The following NR4A3 variants were observed in gnomAD, a reference collection of about 807,000 sequenced individuals.
The protein encoded by NR4A3 is chondrosarcoma, extraskeletal myxoid, fused to EWS.
A neutral mutation model predicts 55.6 loss-of-function variants in NR4A3; 13 were observed. The ratio of observed to expected loss-of-function variants is 0.23; its 90% CI spans 0.15 to 0.37. The LOEUF (loss-of-function observed/expected upper bound fraction) is 0.37. NR4A3 is among the 10% of genes least tolerant of loss of function. The pLI, the probability that NR4A3 is intolerant of heterozygous loss-of-function variation, is 1.00. For synonymous variants in NR4A3, 342 were observed against 357.9 expected, an observed-to-expected ratio of 0.96 and a Z score of 0.50; for missense variants, 646 against 822.8, an observed-to-expected ratio of 0.79 and a Z score of 2.63.
intron 3 of NR4A3, among the ~76,000 whole-genome samples, 181 bp downstream of exon 3, chr9:99,829,174 C>T (rs1218004696): frequency 6.6e-6 from 1 of 152,202 alleles, no homozygotes; most frequent in Non-Finnish European, 1.5e-5. Context: ...TACTGAGGTC[C>T]ATGTGCAGCA....
chr9:99,834,217 C>A (rs1364208213), intron 5 of NR4A3, among the ~76,000 whole-genome samples: 2 of 152,128 alleles, frequency 1.3e-5, no homozygotes, highest in Non-Finnish European at 1.5e-5. Flanking sequence ...CTGAACCCTG[C>A]AAATTCCTCA....
rs1827800779 is a variant in NR4A3 at position 99,848,832 on chromosome 9, C to T, written c.1633+1217C>T. ...GGCCATGGAGGCCCTTGCCCCAGCT[C>T]CCTTTGCCCCGGGGGAGAGTTTCCT... On this transcript the variant is annotated intron_variant, in intron 7 of 7. Coordinates refer to ENST00000395097, the MANE Select transcript of NR4A3 (RefSeq NM_006981.4). Among the ~76,000 whole-genome samples the T allele has an allele frequency of 2.6e-5, 4 of 152,304 alleles. No individual in the cohort carries two copies. In the South Asian group the frequency reaches 8.3e-4, roughly 32 times the overall value.
Position 99,865,217 on chromosome 9 carries a change from C to T in NR4A3, c.*1350C>T, listed in dbSNP as rs774948407. 9.3e-5 allele frequency: 17 copies of T among 181,842 alleles called. No individual in the cohort carries two copies. Among genetic ancestry groups the T allele is most frequent in the Admixed American group, 2.5e-4 (4 of 15,900 alleles). The allele number at this position is 181,842 out of a possible 1,614,324, so 11.3% of individuals were successfully genotyped here. On this transcript the variant is annotated 3_prime_UTR_variant, in exon 8 of 8. Coordinates refer to ENST00000395097, the MANE Select transcript of NR4A3 (RefSeq NM_006981.4). The surrounding 1 kb of genome is among the most constrained non-coding windows in gnomAD (Gnocchi z 4.3). Reference sequence around the variant, plus strand: ...TTTGCCTGTATTTATTGCAAGACCACCAGCTCCTGGAAGCTGAGTTACAGA... The same window carrying T: ...TTTGCCTGTATTTATTGCAAGACCATCAGCTCCTGGAAGCTGAGTTACAGA...
chr9:99,829,352 T>G (rs1402661687), intron 3 of NR4A3, among the ~76,000 whole-genome samples: 2 of 152,232 alleles, frequency 1.3e-5, no homozygotes, highest in Admixed American at 1.3e-4. Context: ...GGGGATAGTG[T>G]GTGCGTACCA....
intron 5 of NR4A3, chr9:99,833,745 A>G (rs961231639): frequency 2.1e-6 from 3 of 1,435,304 alleles, no homozygotes; most frequent in Non-Finnish European, 1.8e-6. Context: ...TGCACAGACA[A>G]ACTACAATTT....
At position 99,864,336 on chromosome 9, in the gene NR4A3, A is replaced by C. The variant is rs1828057311; in HGVS notation, c.*469A>C. On this transcript the variant is annotated 3_prime_UTR_variant, in exon 8 of 8. Coordinates refer to ENST00000395097, the MANE Select transcript of NR4A3 (RefSeq NM_006981.4). ...AAAATATGCTTCCTGTATCAAAGGTACGTATGTGGTGCAAACAAGGCAGAA... is the reference window on the plus strand; with the variant it reads ...AAAATATGCTTCCTGTATCAAAGGTCCGTATGTGGTGCAAACAAGGCAGAA... 1.3e-5 allele frequency: 3 copies of C among 230,912 alleles called. 1 individual carries two copies. In the East Asian group the frequency reaches 1.9e-4, roughly 14 times the overall value. The allele number at this position is 230,912 out of a possible 1,614,324, so 14.3% of individuals were successfully genotyped here.
chr9:99,861,232 A>G (rs908570377), intron 7 of NR4A3, among the ~76,000 whole-genome samples: 1 of 152,222 alleles, frequency 6.6e-6, no homozygotes, highest in Non-Finnish European at 1.5e-5. Context: ...TCATTATAAC[A>G]TATCAGGCCA....
intron 7 of NR4A3, among the ~76,000 whole-genome samples, chr9:99,857,112 C>T (rs527395654): frequency 3.9e-5 from 6 of 152,232 alleles, no homozygotes; most frequent in African/African-American, 1.4e-4. Context: ...AGATCCTCAT[C>T]CAGAGGCCAT....
At chr9:99,823,066 G>A (rs1369224132) in intron 1 of NR4A3, among the ~76,000 whole-genome samples, 1 of 152,186 alleles carries the variant, frequency 6.6e-6, no homozygotes, top group Non-Finnish European at 1.5e-5. Context: ...TGACATGCCG[G>A]TTTACACTTT....
chr9:99,846,120 T>G (rs1446228292), intron 6 of NR4A3, among the ~76,000 whole-genome samples: 1 of 152,242 alleles, frequency 6.6e-6, no homozygotes, highest in Non-Finnish European at 1.5e-5. Flanking sequence ...ATGAAGCTGT[T>G]CATCCAAGAA....
intron 5 of NR4A3, among the ~76,000 whole-genome samples, chr9:99,837,949 T>C (rs368039657): frequency 1.4e-3 from 220 of 152,290 alleles, no homozygotes; most frequent in African/African-American, 4.6e-3. Context: ...GAAATGAATG[T>C]TTTAGAGGCC....
intron 7 of NR4A3, among the ~76,000 whole-genome samples, chr9:99,848,940 G>A (rs1473350694): frequency 6.6e-6 from 1 of 152,170 alleles, no homozygotes; most frequent in Non-Finnish European, 1.5e-5. Context: ...GCCAAATGAG[G>A]GGCTCATCCT....
intron 7 of NR4A3, among the ~76,000 whole-genome samples, chr9:99,858,183 G>T (rs1827959413): frequency 6.6e-6 from 1 of 152,188 alleles, no homozygotes; most frequent in South Asian, 2.1e-4. Flanking sequence ...ACATGATCTA[G>T]AATAGGGGTA....
At chr9:99,837,149 T>A (rs1827572153) in intron 5 of NR4A3, among the ~76,000 whole-genome samples, 1 of 152,194 alleles carries the variant, frequency 6.6e-6, no homozygotes, top group African/African-American at 2.4e-5. Context: ...TCTGTAGTAT[T>A]TCACTTTTTA....
rs1223010559 is a variant in NR4A3, at chr9:99,822,474, G to C, written c.-177+67G>C. 1 of 152,290 alleles carries C rather than the reference G, an allele frequency of 6.6e-6. No individual in the cohort carries two copies. Among genetic ancestry groups the C allele is most frequent in the South Asian group, 2.0e-4 (1 of 4,886 alleles). 9.4% of individuals were successfully genotyped at this position (152,290 alleles called of 1,614,324 possible). On this transcript the variant is annotated intron_variant, in intron 1 of 7. Coordinates refer to ENST00000395097, the MANE Select transcript of NR4A3 (RefSeq NM_006981.4). This position sits in a 1 kb window ranked among gnomAD's most constrained non-coding sequence, Gnocchi z 4.9. Reference sequence around the variant, plus strand: ...AAAAGTTGGCTTGCTGGGAAGCGTCGCTCCTGAAATTGACAACTTTGAGTG... The same window carrying C: ...AAAAGTTGGCTTGCTGGGAAGCGTCCCTCCTGAAATTGACAACTTTGAGTG...
intron 7 of NR4A3, among the ~76,000 whole-genome samples, chr9:99,861,345 C>A (rs997017412): frequency 3.9e-5 from 6 of 152,190 alleles, no homozygotes; most frequent in African/African-American, 1.4e-4. Context: ...TATAGTGAAA[C>A]CCTGTCTCTA....
chr9:99,858,893 T>C (rs1255733239), intron 7 of NR4A3, among the ~76,000 whole-genome samples: 1 of 152,228 alleles, frequency 6.6e-6, no homozygotes, highest in Non-Finnish European at 1.5e-5. Context: ...TATTATGGCA[T>C]AATATAGTTA....
intron 3 of NR4A3, among the ~76,000 whole-genome samples, 169 bp from the exon 4 acceptor site, chr9:99,832,520 T>G (rs1301207111): frequency 5.9e-5 from 9 of 152,258 alleles, no homozygotes; most frequent in Non-Finnish European, 1.3e-4. Flanking sequence ...TGTCAGCAGC[T>G]AACACTAATA....
At chr9:99,861,608 C>A (rs142561855) in intron 7 of NR4A3, among the ~76,000 whole-genome samples, 32 of 152,182 alleles carry the variant, frequency 2.1e-4, no homozygotes, top group African/African-American at 7.5e-4. Flanking sequence ...TCTCCTTTTA[C>A]AGGGCCCCAA....
Sources: allele counts gnomAD v4.1 joint callset (sites outside exome capture counted in the v4.1 genomes callset), GRCh38; gene constraint gnomAD v4.1.1; non-coding constraint Gnocchi (gnomAD v3.1); transcripts MANE v1.5; gene names NCBI Gene and HGNC (gene_info 2026-07-23, HGNC 2026-07-21).